The following CA10 variants were observed in gnomAD, a reference collection of about 807,000 sequenced individuals.
CA10 encodes carbonic anhydrase-related protein 10.
Under a neutral mutation model 44.2 loss-of-function variants are expected in CA10, and 14 were observed. That is an observed-to-expected ratio of 0.32 (90% CI 0.21 to 0.50). The LOEUF (loss-of-function observed/expected upper bound fraction) is 0.50, where lower values mean the gene tolerates loss of function less well. Ranked by LOEUF, CA10 falls within the 20% of genes least tolerant of loss-of-function variation. CA10 has a pLI of 0.99. For synonymous variants in CA10, 159 were observed against 141.6 expected (o/e 1.12, Z -0.87); for missense variants, 350 against 409.7 (o/e 0.85, Z 1.26).
intron 4 of CA10, among the ~76,000 whole-genome samples, chr17:51,711,869 C>T (rs1915953067): frequency 1.3e-5 from 2 of 152,142 alleles, no homozygotes; most frequent in African/African-American, 4.8e-5. Flanking sequence ...GCCTGTTGAG[C>T]AGTTAGCAGA....
intron 1 of CA10, among the ~76,000 whole-genome samples, chr17:52,091,967 T>C (rs1248349004): frequency 6.6e-6 from 1 of 152,194 alleles, no homozygotes; most frequent in African/African-American, 2.4e-5. Context: ...CCGCCTATGC[T>C]CTTCACATAG....
At chr17:51,668,502 C>T (rs533392532) in intron 4 of CA10, among the ~76,000 whole-genome samples, 1 of 152,340 alleles carries the variant, frequency 6.6e-6, no homozygotes, top group African/African-American at 2.4e-5. Context: ...ATCAACAGAT[C>T]TAGACTTAAA....
intron 2 of CA10, among the ~76,000 whole-genome samples, chr17:52,007,925 T>G (rs1985656683): frequency 6.6e-6 from 1 of 151,604 alleles, no homozygotes; most frequent in Admixed American, 6.6e-5. Context: ...CTTTAATAAT[T>G]TAATTTATTA....
chr17:52,118,849 G>A (rs559373523), intron 1 of CA10, among the ~76,000 whole-genome samples: 1 of 152,066 alleles, frequency 6.6e-6, no homozygotes, highest in African/African-American at 2.4e-5. Context: ...TTGTTGTCTT[G>A]TTTTGATCCT....
chr17:51,897,200 T>C (rs562403940), intron 3 of CA10, among the ~76,000 whole-genome samples: 1 of 152,278 alleles, frequency 6.6e-6, no homozygotes, highest in African/African-American at 2.4e-5. Context: ...TTTGTGGTTT[T>C]AGGTTTTACA....
chr17:51,939,652 T>C (rs1983000887), intron 2 of CA10, among the ~76,000 whole-genome samples: 1 of 152,112 alleles, frequency 6.6e-6, no homozygotes, highest in Non-Finnish European at 1.5e-5. Flanking sequence ...TTGCATTTTC[T>C]AGCTACTAGA....
At chr17:52,100,449 AC>A (rs1264471488) in intron 1 of CA10, among the ~76,000 whole-genome samples, 1 of 152,062 alleles carries the variant, frequency 6.6e-6, no homozygotes, top group Non-Finnish European at 1.5e-5. Flanking sequence ...CTCAAAAAAA[AC>A]AGACAAGCCA....
intron 3 of CA10, among the ~76,000 whole-genome samples, chr17:51,877,320 T>A (rs931548352): frequency 6.6e-6 from 1 of 152,230 alleles, no homozygotes; most frequent in Non-Finnish European, 1.5e-5. Context: ...TTGAGATTGT[T>A]TGCTAGCTTA....
At chr17:51,704,317 G>A (rs1019060388) in intron 4 of CA10, among the ~76,000 whole-genome samples, 5 of 152,128 alleles carry the variant, frequency 3.3e-5, no homozygotes, top group African/African-American at 4.8e-5. Flanking sequence ...AAGAGCCCAG[G>A]CTTCATGTAA....
At chr17:51,643,640 G>A (rs1205754973) in intron 6 of CA10, among the ~76,000 whole-genome samples, 5 of 152,148 alleles carry the variant, frequency 3.3e-5, no homozygotes, top group African/African-American at 1.2e-4. Context: ...ATGGATTCAA[G>A]CACAGGAGCG....
At chr17:52,091,426 G>C (rs9303595) in intron 1 of CA10, among the ~76,000 whole-genome samples, 1 of 151,838 alleles carries the variant, frequency 6.6e-6, no homozygotes. Context: ...CCAACATTAA[G>C]ATTTAATTTT....
intron 5 of CA10, among the ~76,000 whole-genome samples, chr17:51,650,962 G>T (rs1913540289): frequency 6.6e-6 from 1 of 152,216 alleles, no homozygotes; most frequent in Non-Finnish European, 1.5e-5. Flanking sequence ...GTGTGATTGA[G>T]CAGCAATTAC....
intron 1 of CA10, among the ~76,000 whole-genome samples, chr17:52,073,851 C>T (rs549242240): frequency 5.9e-5 from 9 of 152,182 alleles, no homozygotes; most frequent in African/African-American, 2.2e-4. Flanking sequence ...GGGAGTCAGG[C>T]GGAAGATTCA....
chr17:51,849,614 T>C (rs1978699815), intron 3 of CA10, among the ~76,000 whole-genome samples: 2 of 152,312 alleles, frequency 1.3e-5, no homozygotes, highest in South Asian at 2.1e-4. Flanking sequence ...TACTACCAAA[T>C]GTGCAGGTCT....
chr17:51,699,200 G>C (rs1033222031), intron 4 of CA10, among the ~76,000 whole-genome samples: 3 of 151,918 alleles, frequency 2.0e-5, no homozygotes, highest in African/African-American at 7.3e-5. Flanking sequence ...GCGGGCACTT[G>C]TAATCCCAGC....
intron 3 of CA10, among the ~76,000 whole-genome samples, chr17:51,917,356 G>A (rs536095947): frequency 1.3e-5 from 2 of 152,330 alleles, no homozygotes; most frequent in East Asian, 1.9e-4. Flanking sequence ...AGAAGGTACT[G>A]AAGGCTGCCT....
At chr17:52,105,800 G>A (rs1024861914) in intron 1 of CA10, among the ~76,000 whole-genome samples, 1 of 152,174 alleles carries the variant, frequency 6.6e-6, no homozygotes, top group African/African-American at 2.4e-5. Flanking sequence ...ATGAGACATA[G>A]TGACTCATCT....
At chr17:52,072,496 T>C in intron 1 of CA10, 103 bp from the exon 2 acceptor site, 1 of 765,864 alleles carries the variant, frequency 1.3e-6, no homozygotes, top group East Asian at 2.6e-5. Flanking sequence ...AACCCTTTTC[T>C]ACCCCAAAGT....
At chr17:52,126,070 A>C (rs1339548766) in intron 1 of CA10, among the ~76,000 whole-genome samples, 1 of 152,208 alleles carries the variant, frequency 6.6e-6, no homozygotes, top group Non-Finnish European at 1.5e-5. Flanking sequence ...GTTAGACCAG[A>C]TTAAAAAAAG....
Sources: allele counts gnomAD v4.1 joint callset (sites outside exome capture counted in the v4.1 genomes callset), GRCh38; gene constraint gnomAD v4.1.1; transcripts MANE v1.5; gene names NCBI Gene and HGNC (gene_info 2026-07-23, HGNC 2026-07-21).